DACH1: variants seen among roughly 807,000 people sequenced by gnomAD.
The protein encoded by DACH1 is dachshund homolog 1.
DACH1 carries 12 observed loss-of-function variants against 54.2 expected under a neutral mutation model. That is an observed-to-expected ratio of 0.22 (90% CI 0.14 to 0.36). The LOEUF is 0.36. Among genes scored for constraint, DACH1 ranks in the 10% least tolerant of loss-of-function variants. The probability of loss-of-function intolerance (pLI) is 1.00; values close to 1 mark genes in which losing one functional copy is unlikely to be tolerated. For missense variants in DACH1, 805 were observed against 929.8 expected (o/e 0.87, Z 1.75); for synonymous variants, 386 against 366.2 (o/e 1.05, Z -0.62).
At chr13:71,516,504 C>T (rs532646197) in intron 6 of DACH1, among the ~76,000 whole-genome samples, 9 of 151,976 alleles carry the variant, frequency 5.9e-5, no homozygotes, top group Admixed American at 2.6e-4. Flanking sequence ...AGCTGTCAAA[C>T]GCCTTATGAC....
At chr13:71,789,616 G>A (rs905031082) in intron 1 of DACH1, among the ~76,000 whole-genome samples, 7 of 151,840 alleles carry the variant, frequency 4.6e-5, no homozygotes, top group Non-Finnish European at 7.4e-5. Context: ...AAATCTACTG[G>A]GAAGGCAGCT....
intron 10 of DACH1, chr13:71,464,533 ACAAAG>A (rs1876383006): frequency 2.5e-6 from 1 of 407,716 alleles, no homozygotes; most frequent in African/African-American, 2.1e-5. Flanking sequence ...CTTAAATAAA[ACAAAG>A]AGATTTTTTG....
intron 1 of DACH1, among the ~76,000 whole-genome samples, chr13:71,777,754 T>A (rs1886124403): frequency 1.3e-5 from 2 of 152,138 alleles, no homozygotes; most frequent in Admixed American, 6.6e-5. Context: ...ACGTTTAATT[T>A]TAAGTATTTA....
At chr13:71,591,166 G>A (rs1873685202) in intron 3 of DACH1, among the ~76,000 whole-genome samples, 1 of 151,650 alleles carries the variant, frequency 6.6e-6, no homozygotes, top group Non-Finnish European at 1.5e-5. Context: ...GGCATGAGCT[G>A]TTGCGACCGG....
intron 10 of DACH1, among the ~76,000 whole-genome samples, chr13:71,459,035 T>G: frequency 6.6e-6 from 1 of 151,930 alleles, no homozygotes. Flanking sequence ...CAACAAGAGT[T>G]ACGGACAATA....
intron 3 of DACH1, among the ~76,000 whole-genome samples, chr13:71,611,451 C>A (rs550095262): frequency 6.6e-6 from 1 of 152,110 alleles, no homozygotes; most frequent in Non-Finnish European, 1.5e-5. Flanking sequence ...GTATTAATAG[C>A]GGAATAGATC....
intron 6 of DACH1, among the ~76,000 whole-genome samples, chr13:71,501,093 G>T (rs1212391216): frequency 6.6e-6 from 1 of 152,110 alleles, no homozygotes; most frequent in Non-Finnish European, 1.5e-5. Context: ...TGCCTTTTCA[G>T]ATCAAACCAA....
intron 10 of DACH1, among the ~76,000 whole-genome samples, chr13:71,451,376 C>T (rs368638462): frequency 6.6e-5 from 10 of 152,004 alleles, no homozygotes; most frequent in South Asian, 2.1e-4. Flanking sequence ...GATAAAATAC[C>T]GTATTTGTGT....
intron 1 of DACH1, among the ~76,000 whole-genome samples, chr13:71,838,966 A>G (rs1236560493): frequency 1.3e-5 from 2 of 152,192 alleles, no homozygotes; most frequent in African/African-American, 2.4e-5. Context: ...CCGGTACAGA[A>G]TGTTCCCATC....
intron 10 of DACH1, among the ~76,000 whole-genome samples, chr13:71,468,943 C>T (rs993927233): frequency 1.3e-5 from 2 of 152,110 alleles, no homozygotes; most frequent in South Asian, 2.1e-4. Context: ...GTATATCATT[C>T]GTTGGCAGTA....
At chr13:71,516,927 T>G (rs1881203067) in intron 6 of DACH1, among the ~76,000 whole-genome samples, 1 of 22,074 alleles carries the variant, frequency 4.5e-5, no homozygotes, top group Admixed American at 9.6e-4. Context: ...TATATTTTTA[T>G]GTTTATATAT....
intron 1 of DACH1, among the ~76,000 whole-genome samples, chr13:71,816,792 T>C (rs1421527821): frequency 6.6e-6 from 1 of 151,868 alleles, no homozygotes; most frequent in Non-Finnish European, 1.5e-5. Context: ...CCATTGTCCT[T>C]AGCAAACTCA....
intron 3 of DACH1, among the ~76,000 whole-genome samples, chr13:71,595,330 A>G (rs1273105080): frequency 6.6e-6 from 1 of 152,084 alleles, no homozygotes. Flanking sequence ...GACTTGTATT[A>G]TTTCACTGAT....
chr13:71,682,314 T>C (rs1880949560), intron 1 of DACH1, among the ~76,000 whole-genome samples: 1 of 152,224 alleles, frequency 6.6e-6, no homozygotes, highest in East Asian at 1.9e-4. Flanking sequence ...GTACTTGTAA[T>C]GAATGATATT....
At chr13:71,845,683 T>C (rs17837290) in intron 1 of DACH1, among the ~76,000 whole-genome samples, 3 of 152,144 alleles carry the variant, frequency 2.0e-5, no homozygotes, top group South Asian at 4.1e-4. Context: ...GAAATAAGTA[T>C]GGAGAGTGAA....
chr13:71,470,163 T>C lies in DACH1; in HGVS notation c.2083+4978A>G, dbSNP rs555965618. Among the ~76,000 whole-genome samples, 5 of 152,272 alleles carry C rather than the reference T, an allele frequency of 3.3e-5. No individual in the cohort carries two copies. The East Asian group carries it at 7.7e-4, about 23-fold the overall frequency. The stretch of plus-strand genomic sequence containing the variant: ...TGAAATATCAATTTAAAATGGAAAA[T>C]TGGATCTAAGTATTTATAGAATCCA... On this transcript the variant is annotated intron_variant, in intron 10 of 10. Transcript: ENST00000613252.
intron 1 of DACH1, among the ~76,000 whole-genome samples, chr13:71,710,406 A>G (rs1448056253): frequency 6.6e-6 from 1 of 151,336 alleles, no homozygotes; most frequent in East Asian, 2.0e-4. Flanking sequence ...ATTAATGAGA[A>G]CTAGAATTTT....
intron 2 of DACH1, among the ~76,000 whole-genome samples, chr13:71,656,789 A>ATG (rs1003158701): frequency 6.7e-6 from 1 of 149,610 alleles, no homozygotes; most frequent in African/African-American, 2.4e-5. Flanking sequence ...GAATATATAT[A>ATG]TTCTGACTTG....
intron 10 of DACH1, among the ~76,000 whole-genome samples, chr13:71,472,676 G>T (rs1338783344): frequency 6.6e-6 from 1 of 152,200 alleles, no homozygotes; most frequent in Non-Finnish European, 1.5e-5. Flanking sequence ...GTTGGAGAGA[G>T]AAAGTGATGA....
Sources: allele counts gnomAD v4.1 joint callset (sites outside exome capture counted in the v4.1 genomes callset), GRCh38; gene constraint gnomAD v4.1.1; transcripts MANE v1.5; gene names NCBI Gene and HGNC (gene_info 2026-07-23, HGNC 2026-07-21).